MDGA2: variants seen among roughly 807,000 people sequenced by gnomAD.
MDGA2 encodes the protein MAM domain-containing glycosylphosphatidylinositol anchor protein 2.
MDGA2 carries 40 observed loss-of-function variants against 117.8 expected under a neutral mutation model. That is an observed-to-expected ratio of 0.34 (90% CI 0.26 to 0.44). The LOEUF (loss-of-function observed/expected upper bound fraction) is 0.44, where lower values mean the gene tolerates loss of function less well. MDGA2 is among the 20% of genes least tolerant of loss of function. MDGA2 has a pLI of 1.00. For missense variants in MDGA2, 1,123 were observed against 1,250.6 expected (o/e 0.90, Z 1.54); for synonymous variants, 452 against 439.0 (o/e 1.03, Z -0.37).
At chr14:47,600,433 C>CA (rs927417891) in intron 1 of MDGA2, among the ~76,000 whole-genome samples, 1 of 151,548 alleles carries the variant, frequency 6.6e-6, no homozygotes, top group Non-Finnish European at 1.5e-5. Context: ...GATATTGTCT[C>CA]AAAAAAAATT....
chr14:47,519,540 GTTTTC>G (rs1566495801), intron 1 of MDGA2, among the ~76,000 whole-genome samples: 1 of 152,250 alleles, frequency 6.6e-6, no homozygotes, highest in Non-Finnish European at 1.5e-5. Context: ...ATAGTTGATG[GTTTTC>G]TTTTAAAAAT....
intron 2 of MDGA2, among the ~76,000 whole-genome samples, chr14:47,297,185 T>C (rs1889102100): frequency 6.6e-6 from 1 of 151,970 alleles, no homozygotes; most frequent in African/African-American, 2.4e-5. Flanking sequence ...AAATGGAACA[T>C]GAACATAAAT....
At chr14:47,338,159 T>C (rs1890516532) in intron 1 of MDGA2, among the ~76,000 whole-genome samples, 1 of 152,022 alleles carries the variant, frequency 6.6e-6, no homozygotes, top group Non-Finnish European at 1.5e-5. Flanking sequence ...CTTAATTGTG[T>C]ATTTGTTCTT....
chr14:47,073,602 C>T (rs562131139), intron 6 of MDGA2, among the ~76,000 whole-genome samples: 1 of 152,110 alleles, frequency 6.6e-6, no homozygotes, highest in South Asian at 2.1e-4. Flanking sequence ...GTATAGAAAC[C>T]AAAAATTTGA....
intron 1 of MDGA2, among the ~76,000 whole-genome samples, chr14:47,588,365 T>C (rs572170714): frequency 2.0e-4 from 31 of 151,544 alleles, no homozygotes; most frequent in Non-Finnish European, 3.2e-4. Flanking sequence ...AAACATTTTA[T>C]ATTTCTACCA....
At chr14:47,634,672 T>A (rs1434846769) in intron 1 of MDGA2, among the ~76,000 whole-genome samples, 1 of 152,120 alleles carries the variant, frequency 6.6e-6, no homozygotes, top group African/African-American at 2.4e-5. Flanking sequence ...AACCATAAAC[T>A]TTAGTTAGAC....
chr14:47,237,766 ATCTACTTTCT>A (rs1191888672), intron 2 of MDGA2, among the ~76,000 whole-genome samples: 10 of 151,962 alleles, frequency 6.6e-5, no homozygotes, highest in African/African-American at 2.2e-4. Context: ...AATACATTTG[ATCTACTTTCT>A]TCTACTACTC....
intron 1 of MDGA2, among the ~76,000 whole-genome samples, chr14:47,473,703 C>A (rs1481494827): frequency 6.6e-6 from 1 of 151,896 alleles, no homozygotes; most frequent in Non-Finnish European, 1.5e-5. Context: ...ATCATATAAA[C>A]AGAACTAAAG....
At chr14:47,040,072 A>G (rs905331043) in intron 7 of MDGA2, among the ~76,000 whole-genome samples, 2 of 152,168 alleles carry the variant, frequency 1.3e-5, no homozygotes, top group Non-Finnish European at 2.9e-5. Flanking sequence ...AATGAATGTT[A>G]ACAGGGAGCT....
At chr14:47,367,560 C>T (rs887038339) in intron 1 of MDGA2, among the ~76,000 whole-genome samples, 3 of 152,178 alleles carry the variant, frequency 2.0e-5, no homozygotes, top group African/African-American at 7.2e-5. Context: ...TTGAGTAACA[C>T]TATCACAAAA....
At chr14:47,530,550 T>A (rs990190960) in intron 1 of MDGA2, among the ~76,000 whole-genome samples, 1 of 152,188 alleles carries the variant, frequency 6.6e-6, no homozygotes, top group African/African-American at 2.4e-5. Context: ...CACCTCATAA[T>A]CAAACGATCC....
chr14:47,128,909 T>A (rs1882043499), intron 5 of MDGA2, among the ~76,000 whole-genome samples: 1 of 152,000 alleles, frequency 6.6e-6, no homozygotes. Context: ...CAGGATGGTC[T>A]CAATCTCCTG....
intron 2 of MDGA2, among the ~76,000 whole-genome samples, chr14:47,257,258 C>CA (rs1175911896): frequency 4.6e-5 from 7 of 152,264 alleles, no homozygotes; most frequent in Non-Finnish European, 7.4e-5. Context: ...TAGCCCACAC[C>CA]AGTCCTCTCA....
chr14:47,209,197 A>T (rs946614023), intron 3 of MDGA2, among the ~76,000 whole-genome samples: 2 of 152,044 alleles, frequency 1.3e-5, no homozygotes, highest in African/African-American at 2.4e-5. Flanking sequence ...TCTATTTTTC[A>T]TGTCTCCAAT....
intron 2 of MDGA2, among the ~76,000 whole-genome samples, chr14:47,301,006 GAACA>G (rs1889259917): frequency 1.3e-5 from 2 of 152,086 alleles, no homozygotes; most frequent in South Asian, 4.1e-4. Flanking sequence ...ACATTCTTCA[GAACA>G]AATACCTCTC....
At chr14:47,567,632 G>A (rs1895944174) in intron 1 of MDGA2, among the ~76,000 whole-genome samples, 1 of 152,080 alleles carries the variant, frequency 6.6e-6, no homozygotes, top group African/African-American at 2.4e-5. Context: ...TGCTCTTCTG[G>A]GGTAGCTGCT....
At chr14:47,230,805 T>C (rs910110595) in intron 2 of MDGA2, among the ~76,000 whole-genome samples, 3 of 151,856 alleles carry the variant, frequency 2.0e-5, no homozygotes, top group East Asian at 1.9e-4. Flanking sequence ...TAAGAAACAA[T>C]ATACATTAAA....
At chr14:47,529,312 C>T (rs1895044216) in intron 1 of MDGA2, among the ~76,000 whole-genome samples, 1 of 152,092 alleles carries the variant, frequency 6.6e-6, no homozygotes. Context: ...CTTAGAAATT[C>T]TATCATGAGC....
chr14:47,638,100 T>C (rs1054526500), intron 1 of MDGA2, among the ~76,000 whole-genome samples: 1 of 152,112 alleles, frequency 6.6e-6, no homozygotes, highest in Non-Finnish European at 1.5e-5. Flanking sequence ...GCCCCTGACA[T>C]CCACAGTCAG....
Sources: gnomAD v4.1 joint callset for allele counts (sites outside exome capture counted in the v4.1 genomes callset) on GRCh38, gnomAD v4.1.1 for gene constraint, MANE v1.5 for transcripts, NCBI Gene and HGNC (gene_info 2026-07-23, HGNC 2026-07-21) for gene names.